Variants in RUBCNL observed in about 807,000 individuals in gnomAD.
RUBCNL encodes protein associated with UVRAG as autophagy enhancer.
RUBCNL carries 62 observed loss-of-function variants against 69.5 expected under a neutral mutation model. The observed-to-expected ratio is 0.89, with a 90% CI of 0.73 to 1.10. The LOEUF is 1.10. RUBCNL is among the 50% of genes least tolerant of loss of function. The pLI is 0.00. For missense variants in RUBCNL, 768 were observed against 798.1 expected, an observed-to-expected ratio of 0.96 and a Z score of 0.45; for synonymous variants, 291 against 303.6, an observed-to-expected ratio of 0.96 and a Z score of 0.43.
In RUBCNL at chr13:46,361,692, GA is replaced by G. The variant is rs1248080828; in HGVS notation, c.987-120del. On this transcript the variant is annotated intron_variant, in intron 7 of 14. Transcript: ENST00000429979. Reference sequence around the variant, plus strand: ...CAAAACTCAGAAGAGGCTGTCATATGAGATGACGCATGAATCACTCACCAGG... The same window carrying G: ...CAAAACTCAGAAGAGGCTGTCATATGGATGACGCATGAATCACTCACCAGG... 4 of 952,732 alleles carry G rather than the reference GA, an allele frequency of 4.2e-6. No individual in the cohort carries two copies. In the African/African-American group the frequency reaches 4.9e-5, roughly 12 times the overall value. 59.0% of individuals were successfully genotyped at this position (952,732 alleles called of 1,614,324 possible).
At chr13:46,385,175 G>C (rs2049210950) in intron 1 of RUBCNL, 3 of 539,514 alleles carry the variant, frequency 5.6e-6, no homozygotes, top group Non-Finnish European at 7.1e-6. Flanking sequence ...AATGTCCTAT[G>C]AAGGTTAGCT....
intron 5 of RUBCNL, among the ~76,000 whole-genome samples, chr13:46,367,552 G>T (rs979096693): frequency 6.6e-6 from 1 of 152,156 alleles, no homozygotes; most frequent in African/African-American, 2.4e-5. Flanking sequence ...AACCAATCCT[G>T]ACCCAAGATG....
At chr13:46,344,332 A>G (rs2048196763) in intron 14 of RUBCNL, among the ~76,000 whole-genome samples, 1 of 152,190 alleles carries the variant, frequency 6.6e-6, no homozygotes. Flanking sequence ...AAAGAGCCAG[A>G]TAGCAAATGT....
chr13:46,343,728 G>A (rs986282446), intron 14 of RUBCNL, among the ~76,000 whole-genome samples: 16 of 152,072 alleles, frequency 1.1e-4, no homozygotes, highest in Non-Finnish European at 2.1e-4. Context: ...CTGATGTAAC[G>A]GACACTGCAG....
chr13:46,365,312 A>G (rs930858149), intron 5 of RUBCNL, among the ~76,000 whole-genome samples: 6 of 151,724 alleles, frequency 4.0e-5, no homozygotes, highest in African/African-American at 1.5e-4. Context: ...CAAAAAAAAA[A>G]AAAAAAAAAA....
intron 10 of RUBCNL, 133 bp downstream of exon 10, chr13:46,356,299 G>A (rs2048482839): frequency 8.5e-6 from 7 of 818,874 alleles, no homozygotes; most frequent in South Asian, 1.9e-5. Context: ...ATGAAAAGGA[G>A]GGCAACTTCT....
At chr13:46,355,418 C>T (rs2048463870) in intron 10 of RUBCNL, among the ~76,000 whole-genome samples, 2 of 152,114 alleles carry the variant, frequency 1.3e-5, no homozygotes, top group East Asian at 3.9e-4. Flanking sequence ...TCTCAGCCTC[C>T]CGAGTAGCTG....
intron 5 of RUBCNL, 62 bp from the exon 6 acceptor site, chr13:46,363,275 G>T: frequency 3.9e-6 from 3 of 762,004 alleles, no homozygotes; most frequent in Non-Finnish European, 4.0e-6. Flanking sequence ...TGTACAACCT[G>T]CAACACCCAA....
In RUBCNL at chr13:46,339,931, A is replaced by G. The variant is rs2048129816; in HGVS notation, c.*3454T>C. Among the ~76,000 whole-genome samples the G allele has an allele frequency of 6.6e-6, 1 of 152,020 alleles. No individual in the cohort carries two copies. The highest frequency in any genetic ancestry group is 1.5e-5 in the Non-Finnish European group (1 of 67,972). On this transcript the variant is annotated 3_prime_UTR_variant, in exon 15 of 15. Coordinates refer to ENST00000429979, the MANE Select transcript of RUBCNL (RefSeq NM_025113.5). ...TTATTCTCTCATAATTCTCAATGTC[A>G]GAAGTTTGAAATCAAGGGGTCAGCC...
chr13:46,374,385 C>T (rs1041051469), intron 2 of RUBCNL: 16 of 152,258 alleles, frequency 1.1e-4, no homozygotes, highest in Non-Finnish European at 1.5e-4. Flanking sequence ...CCAGTAACAC[C>T]GTGTTTTAAC....
At position 46,341,118 on chromosome 13, in the gene RUBCNL, T is replaced by C. The variant is rs111703581; in HGVS notation, c.*2267A>G. ...TCTGCCTTGAGATGGTGTAACTTCCTCCCTGCAGTTGAGAATCATGACTGT... is the reference window on the plus strand; with the variant it reads ...TCTGCCTTGAGATGGTGTAACTTCCCCCCTGCAGTTGAGAATCATGACTGT... On this transcript the variant is annotated 3_prime_UTR_variant, in exon 15 of 15. Transcript: ENST00000429979. Among the ~76,000 whole-genome samples the C allele has an allele frequency of 1.6e-3, 238 of 152,288 alleles. No individual in the cohort carries two copies. The highest frequency in any genetic ancestry group is 5.5e-3 in the African/African-American group (227 of 41,564).
chr13:46,381,899 G>A (rs1034340870), intron 1 of RUBCNL, among the ~76,000 whole-genome samples: 2 of 152,074 alleles, frequency 1.3e-5, no homozygotes, highest in African/African-American at 4.8e-5. Flanking sequence ...TGACCTCCCG[G>A]GCTCTAGTGA....
At chr13:46,386,755 C>T (rs1040974520) in intron 1 of RUBCNL, among the ~76,000 whole-genome samples, 5 of 152,202 alleles carry the variant, frequency 3.3e-5, no homozygotes, top group Non-Finnish European at 7.3e-5. Flanking sequence ...AGAGAAAAGA[C>T]ACTGATCCCA....
chr13:46,334,940 G>A lies in RUBCNL; in HGVS notation c.*8445C>T, dbSNP rs1032066839. Among the ~76,000 whole-genome samples the A allele has an allele frequency of 2.6e-5, 4 of 152,140 alleles. No individual in the cohort carries two copies. Among genetic ancestry groups the A allele is most frequent in the Admixed American group, 6.5e-5 (1 of 15,268 alleles). On this transcript the variant is annotated 3_prime_UTR_variant, in exon 15 of 15. Transcript: ENST00000429979. ...CACTGTACCCCAAAGGAAAGTGGGG[G>A]AAGATTTGGGGGTATACTAAGGGCA...
In RUBCNL at chr13:46,387,183, C is replaced by G. The variant is rs572555900; in HGVS notation, c.-288G>C. On this transcript the variant is annotated 5_prime_UTR_variant, in exon 1 of 15. Transcript: ENST00000429979. ...GCTGCGCTGGGTAAACGCCGCGCGTCGGGTCCTCCCTCGCGCGGCTCCGGG... is the reference window on the plus strand; with the variant it reads ...GCTGCGCTGGGTAAACGCCGCGCGTGGGGTCCTCCCTCGCGCGGCTCCGGG... 1.0e-6 allele frequency: 1 copy of G among 985,344 alleles called. No individual in the cohort carries two copies. Among genetic ancestry groups the G allele is most frequent in the African/African-American group, 1.7e-5 (1 of 57,342 alleles). The allele number at this position is 985,344 out of a possible 1,614,324, so 61.0% of individuals were successfully genotyped here. A position where few individuals can be genotyped will look rare whatever the true frequency, so the allele number is the denominator to read the frequency against.
Position 46,379,626 on chromosome 13 carries a change from T to C in RUBCNL, c.-238-1621A>G, listed in dbSNP as rs114707560. Among the ~76,000 whole-genome samples, 206 of 152,304 alleles carry C rather than the reference T, an allele frequency of 1.4e-3. 1 individual carries two copies. Among genetic ancestry groups the C allele is most frequent in the African/African-American group, 4.8e-3 (200 of 41,552 alleles). On this transcript the variant is annotated intron_variant, in intron 1 of 14. Coordinates refer to ENST00000429979, the MANE Select transcript of RUBCNL (RefSeq NM_025113.5). ...CCTAAATGTTCATCAACCACTTCCT[T>C]AGAATAAAGGATACTAGAGAATAGA... is the stretch of plus-strand genomic sequence containing the variant.
At position 46,342,924 on chromosome 13, in the gene RUBCNL, A is replaced by C. The variant is rs995752300; in HGVS notation, c.*461T>G. On this transcript the variant is annotated 3_prime_UTR_variant, in exon 15 of 15. Transcript: ENST00000429979. The stretch of plus-strand genomic sequence containing the variant: ...CAATCACAAAATGGCATTTAAGTGG[A>C]AGTCTGCTTCCTGAAGAAATAAAAG... The C allele has an allele frequency of 1.9e-5, 3 of 156,958 alleles. No individual in the cohort carries two copies. The highest frequency in any genetic ancestry group is 1.3e-4 in the Admixed American group (2 of 15,558). 9.7% of individuals were successfully genotyped at this position (156,958 alleles called of 1,614,324 possible).
At chr13:46,375,551 G>A (rs901531812) in intron 2 of RUBCNL, among the ~76,000 whole-genome samples, 1 of 152,022 alleles carries the variant, frequency 6.6e-6, no homozygotes, top group African/African-American at 2.4e-5. Context: ...CAAAAAAAGA[G>A]CTAGAGAAAA....
chr13:46,351,517 T>C (rs887055782), intron 10 of RUBCNL, among the ~76,000 whole-genome samples: 1 of 152,096 alleles, frequency 6.6e-6, no homozygotes, highest in African/African-American at 2.4e-5. Context: ...CAGGCACACA[T>C]AGTGATATAA....
Sources: gnomAD v4.1 joint callset for allele counts (sites outside exome capture counted in the v4.1 genomes callset) on GRCh38, gnomAD v4.1.1 for gene constraint, MANE v1.5 for transcripts, NCBI Gene and HGNC (gene_info 2026-07-23, HGNC 2026-07-21) for gene names.